The following BEND6 variants were observed in gnomAD, a reference collection of about 807,000 sequenced individuals.
BEND6 encodes BEN domain containing 6, also known as BEN domain-containing protein 6.
A neutral mutation model predicts 31.8 loss-of-function variants in BEND6; 24 were observed. That is an observed-to-expected ratio of 0.75 (90% CI 0.55 to 1.06). The LOEUF (loss-of-function observed/expected upper bound fraction) is 1.06, where lower values mean the gene tolerates loss of function less well. BEND6 is among the 50% of genes least tolerant of loss of function. The pLI, the probability that BEND6 is intolerant of heterozygous loss-of-function variation, is 0.00. For missense variants in BEND6, 294 were observed against 327.4 expected, an observed-to-expected ratio of 0.90 and a Z score of 0.79; for synonymous variants, 109 against 114.6, an observed-to-expected ratio of 0.95 and a Z score of 0.31.
chr6:57,008,039 A>G (rs966501739), intron 3 of BEND6: 4 of 637,100 alleles, frequency 6.3e-6, no homozygotes, highest in African/African-American at 3.6e-5. Context: ...CATTGGCCTA[A>G]GTCTACTGGT....
intron 1 of BEND6, among the ~76,000 whole-genome samples, chr6:56,961,845 G>A (rs915034890): frequency 1.3e-5 from 2 of 152,164 alleles, no homozygotes; most frequent in African/African-American, 4.8e-5. Flanking sequence ...ATCCCACCAG[G>A]GTGATTCTGC....
At position 56,992,543 on chromosome 6, in the gene BEND6, G is replaced by A. The variant is rs1826546053; in HGVS notation, c.286G>A (p.Val96Ile). Residue 96 changes from valine to isoleucine, a missense_variant, in exon 3 of 7, where the codon GTC (valine) becomes ATC (isoleucine). Transcript: ENST00000370746. ...KENSRLRQSL[V>I]MLQVLPQAVT... ...AAACAGCCGACTTCGACAGTCTTTG[G>A]TCATGCTTCAAGGTAAACTTTGAGA... 6.2e-7 allele frequency: 1 copy of A among 1,611,278 alleles called. No homozygotes were observed.
intron 3 of BEND6, among the ~76,000 whole-genome samples, chr6:57,004,335 A>G (rs944657702): frequency 6.6e-6 from 1 of 152,206 alleles, no homozygotes; most frequent in Admixed American, 6.5e-5. Flanking sequence ...TTCAGGATAC[A>G]AAATAAATGT....
At chr6:57,004,412 G>A in intron 3 of BEND6, 1 of 555,394 alleles carries the variant, frequency 1.8e-6, no homozygotes, top group Non-Finnish European at 3.3e-6. Context: ...ACAGAACCCA[G>A]CCCTCATCCC....
chr6:56,981,945 AC>A lies in BEND6; in HGVS notation c.120+17del, dbSNP rs1195681790. On this transcript the variant is annotated intron_variant, in intron 2 of 6. Coordinates refer to ENST00000370746, the MANE Select transcript of BEND6 (RefSeq NM_152731.3). ...ATAAAGGACAGGTTGGTTTTTTGTTACCTTGACTCAACTTTGTTATCTAGCT... is the reference window on the plus strand; with the variant it reads ...ATAAAGGACAGGTTGGTTTTTTGTTACTTGACTCAACTTTGTTATCTAGCT... 1 of 1,599,094 alleles carries A rather than the reference AC, an allele frequency of 6.3e-7. No homozygotes were observed. The highest frequency in any genetic ancestry group is 1.4e-5 in the African/African-American group (1 of 73,968).
intron 6 of BEND6, among the ~76,000 whole-genome samples, chr6:57,020,833 GTTTTTTT>G (rs74271470): frequency 7.3e-6 from 1 of 137,854 alleles, no homozygotes; most frequent in Admixed American, 7.1e-5. Context: ...CTAAACTCTT[GTTTTTTT>G]TTTTTTTTTT....
intron 3 of BEND6, among the ~76,000 whole-genome samples, chr6:57,000,921 G>C (rs1485396269): frequency 7.6e-6 from 1 of 132,054 alleles, no homozygotes; most frequent in Non-Finnish European, 1.6e-5. Flanking sequence ...TAGACCTATA[G>C]AAATGAAGCC....
At chr6:56,958,869 C>T (rs1825188524) in intron 1 of BEND6, among the ~76,000 whole-genome samples, 1 of 152,096 alleles carries the variant, frequency 6.6e-6, no homozygotes, top group South Asian at 2.1e-4. Flanking sequence ...ACTGATTCAT[C>T]ATGGCAGGAG....
intron 3 of BEND6, among the ~76,000 whole-genome samples, chr6:57,011,826 C>G (rs1827359699): frequency 6.6e-6 from 1 of 150,736 alleles, no homozygotes; most frequent in Non-Finnish European, 1.5e-5. Context: ...AGAAAAGGAG[C>G]ATTTAAAGAA....
At chr6:57,024,983 C>G (rs1161155861) in intron 6 of BEND6, among the ~76,000 whole-genome samples, 1 of 152,140 alleles carries the variant, frequency 6.6e-6, no homozygotes, top group Non-Finnish European at 1.5e-5. Flanking sequence ...CCACTTAATC[C>G]ATTCTGCTGT....
chr6:57,021,232 GAC>G lies in BEND6; in HGVS notation c.*9+2677_*9+2678del, dbSNP rs573424516. On this transcript the variant is annotated intron_variant, in intron 6 of 6. Coordinates refer to ENST00000370746, the MANE Select transcript of BEND6 (RefSeq NM_152731.3). Reference sequence around the variant, plus strand: ...GGACTGAGGAAAATATGCTGGAAAAGACAGGGTCAGGTAAGACCTAATTTGGA... The same window carrying G: ...GGACTGAGGAAAATATGCTGGAAAAGAGGGTCAGGTAAGACCTAATTTGGA... Among the ~76,000 whole-genome samples, 692 of 152,276 alleles carry G rather than the reference GAC, an allele frequency of 4.5e-3. 4 individuals carry two copies. The highest frequency in any genetic ancestry group is 0.016 in the African/African-American group (662 of 41,552).
intron 3 of BEND6, among the ~76,000 whole-genome samples, chr6:57,003,543 A>AAC (rs562160743): frequency 0.015 from 2,258 of 150,608 alleles, 44 homozygotes; most frequent in African/African-American, 0.044. Context: ...ACAACAACAA[A>AAC]AACTACCAAT....
intron 3 of BEND6, among the ~76,000 whole-genome samples, chr6:56,998,610 A>G (rs1290418303): frequency 2.6e-5 from 4 of 152,206 alleles, no homozygotes; most frequent in African/African-American, 9.6e-5. Flanking sequence ...CAATGTTTTT[A>G]GACTCCAAAA....
At chr6:57,010,696 A>G (rs1562555998) in intron 3 of BEND6, 2 of 912,396 alleles carry the variant, frequency 2.2e-6, no homozygotes, top group Non-Finnish European at 2.6e-6. Flanking sequence ...AGTTTAAAAA[A>G]TATATCCAGG....
intron 1 of BEND6, among the ~76,000 whole-genome samples, chr6:56,980,409 G>C (rs1256598482): frequency 6.6e-6 from 1 of 152,148 alleles, no homozygotes; most frequent in Non-Finnish European, 1.5e-5. Flanking sequence ...GGCTGGTCTT[G>C]AATTTCTCAG....
In BEND6 at chr6:57,026,659, A is replaced by G. The variant is rs1827912046; in HGVS notation, c.*587A>G. 1 of 152,256 alleles carries G rather than the reference A, an allele frequency of 6.6e-6. No individual in the cohort carries two copies. The allele number at this position is 152,256 out of a possible 1,614,324, so 9.4% of individuals were successfully genotyped here. On this transcript the variant is annotated 3_prime_UTR_variant, in exon 7 of 7. Transcript: ENST00000370746. ...AATAAAATTACAGGATTATTCTGTT[A>G]TCTAAAAATGTATAAAATGGGAATA...
rs945991553 is a variant in BEND6 at position 57,027,172 on chromosome 6, G to T, written c.*1100G>T. 2.0e-5 allele frequency: 3 copies of T among 152,186 alleles called. No homozygotes were observed. Among genetic ancestry groups the T allele is most frequent in the Non-Finnish European group, 2.9e-5 (2 of 68,040 alleles). 9.4% of individuals were successfully genotyped at this position (152,186 alleles called of 1,614,324 possible). On this transcript the variant is annotated 3_prime_UTR_variant, in exon 7 of 7. Transcript: ENST00000370746. ...AGTGCACAAAGTCATGTTTAAACTT[G>T]GAAAAGAGGATGCTACAGTAGTTTC...
intron 3 of BEND6, chr6:57,008,385 T>C: frequency 1.6e-6 from 1 of 612,384 alleles, no homozygotes; most frequent in South Asian, 2.0e-5. Context: ...TGGGCACTGA[T>C]TTCCCTAGGT....
At chr6:57,023,503 T>G (rs1204161744) in intron 6 of BEND6, among the ~76,000 whole-genome samples, 1 of 152,208 alleles carries the variant, frequency 6.6e-6, no homozygotes, top group Non-Finnish European at 1.5e-5. Flanking sequence ...AATCGATGTG[T>G]GTCTTTATAG....
Sources: allele counts gnomAD v4.1 joint callset (sites outside exome capture counted in the v4.1 genomes callset), GRCh38; gene constraint gnomAD v4.1.1; transcripts MANE v1.5; gene names NCBI Gene and HGNC (gene_info 2026-07-23, HGNC 2026-07-21).